CACHD1: variants seen among roughly 807,000 people sequenced by gnomAD.
The protein encoded by CACHD1 is VWFA and cache domain-containing protein 1.
In CACHD1, 71 loss-of-function variants were observed where a neutral mutation model predicts 138.7. That is an observed-to-expected ratio of 0.51 (90% CI 0.42 to 0.62). The LOEUF is 0.62. Among genes scored for constraint, CACHD1 ranks in the 20% least tolerant of loss-of-function variants. The pLI, the probability that CACHD1 is intolerant of heterozygous loss-of-function variation, is 0.00. For synonymous variants in CACHD1, 578 were observed against 591.5 expected, an observed-to-expected ratio of 0.98 and a Z score of 0.33; for missense variants, 1,389 against 1,625.3, an observed-to-expected ratio of 0.85 and a Z score of 2.50.
intron 2 of CACHD1, among the ~76,000 whole-genome samples, chr1:64,566,489 C>G (rs1370454960): frequency 1.4e-5 from 2 of 143,092 alleles, no homozygotes; most frequent in Non-Finnish European, 3.2e-5. Flanking sequence ...TCCCCCCCCC[C>G]CACAAGGTAT....
At chr1:64,676,716 G>A (rs1235188394) in intron 21 of CACHD1, among the ~76,000 whole-genome samples, 179 bp from the exon 22 acceptor site, 2 of 152,148 alleles carry the variant, frequency 1.3e-5, no homozygotes, top group Admixed American at 6.5e-5. Context: ...TACTTCTACT[G>A]TATATAAAGA....
intron 3 of CACHD1, among the ~76,000 whole-genome samples, chr1:64,601,224 A>G (rs1372804139): frequency 6.6e-6 from 1 of 152,212 alleles, no homozygotes; most frequent in Non-Finnish European, 1.5e-5. Flanking sequence ...ACAAAGCCTA[A>G]ACTATTATCT....
chr1:64,485,834 A>G (rs995921421), intron 1 of CACHD1, among the ~76,000 whole-genome samples: 3 of 152,138 alleles, frequency 2.0e-5, no homozygotes, highest in Admixed American at 1.3e-4. Flanking sequence ...TTAAACATTC[A>G]GGGTTTAATA....
In CACHD1 at chr1:64,664,789, T is replaced by C. The variant is rs911869135; in HGVS notation, c.2276+110T>C. 3.2e-6 allele frequency: 3 copies of C among 937,098 alleles called. No homozygotes were observed. The African/African-American group carries it at 5.0e-5, about 16-fold the overall frequency. 58.0% of individuals were successfully genotyped at this position (937,098 alleles called of 1,614,324 possible). A position where few individuals can be genotyped will look rare whatever the true frequency, so the allele number is the denominator to read the frequency against. On this transcript the variant is annotated intron_variant, in intron 15 of 26. Transcript: ENST00000651257. ...GGGCATTAAACTAAAGAAGATACTT[T>C]CATGGTGGTGAAAAATGTTCCTGAA...
intron 7 of CACHD1, among the ~76,000 whole-genome samples, chr1:64,639,968 A>G (rs1332567529): frequency 2.6e-5 from 4 of 152,252 alleles, no homozygotes; most frequent in African/African-American, 9.6e-5. Flanking sequence ...TTCCAAGCTC[A>G]CTCACACTTT....
At chr1:64,625,293 G>A (rs937621991) in intron 4 of CACHD1, among the ~76,000 whole-genome samples, 9 of 152,138 alleles carry the variant, frequency 5.9e-5, no homozygotes, top group African/African-American at 2.2e-4. Context: ...CTGGGGACTT[G>A]GAAAGGTGAG....
intron 1 of CACHD1, among the ~76,000 whole-genome samples, chr1:64,488,182 T>G (rs968431398): frequency 3.9e-5 from 6 of 152,224 alleles, no homozygotes; most frequent in African/African-American, 1.4e-4. Context: ...TTATAAATGA[T>G]TTTTGAGAGG....
intron 1 of CACHD1, among the ~76,000 whole-genome samples, chr1:64,547,033 G>A (rs892351021): frequency 1.3e-5 from 2 of 152,074 alleles, no homozygotes; most frequent in African/African-American, 4.8e-5. Flanking sequence ...TAAATACAGT[G>A]CCTGTTTTTA....
intron 3 of CACHD1, among the ~76,000 whole-genome samples, chr1:64,595,718 A>G (rs1297671784): frequency 6.6e-6 from 1 of 152,242 alleles, no homozygotes; most frequent in African/African-American, 2.4e-5. Flanking sequence ...AAGTGAATTG[A>G]ATGATAATAC....
intron 26 of CACHD1, among the ~76,000 whole-genome samples, chr1:64,687,948 A>G (rs1267318895): frequency 6.6e-6 from 1 of 152,064 alleles, no homozygotes; most frequent in Non-Finnish European, 1.5e-5. Flanking sequence ...AAAATATAAG[A>G]GATGTGCACA....
At chr1:64,493,037 C>A (rs1484112675) in intron 1 of CACHD1, among the ~76,000 whole-genome samples, 1 of 152,210 alleles carries the variant, frequency 6.6e-6, no homozygotes, top group African/African-American at 2.4e-5. Flanking sequence ...AGACTTGGGG[C>A]TCCACTTAAT....
chr1:64,663,726 C>G lies in CACHD1; in HGVS notation c.1983C>G (p.Ser661Arg). 1 of 1,614,104 alleles carries G rather than the reference C, an allele frequency of 6.2e-7. No homozygotes were observed. The highest frequency in any genetic ancestry group is 8.5e-7 in the Non-Finnish European group (1 of 1,180,012). The change falls in exon 14 of 27, where the codon AGC becomes AGG. Residue 661 changes from serine to arginine, a missense_variant. Around this residue, in one of 5 missense-constraint regions of CACHD1, gnomAD observed 1,000 missense variants for 1,114.7 expected, o/e 0.90. Coordinates refer to ENST00000651257, the MANE Select transcript of CACHD1 (RefSeq NM_020925.4). ...ESPTIMLSAG[S>R]FSSPYEHLSQ... ...CCACCATCATGCTGTCTGCTGGCAGCTTTTCCTCCCCCTATGAGCACCTCA... is the reference window on the plus strand; with the variant it reads ...CCACCATCATGCTGTCTGCTGGCAGGTTTTCCTCCCCCTATGAGCACCTCA...
intron 1 of CACHD1, among the ~76,000 whole-genome samples, chr1:64,516,236 G>T (rs1646458344): frequency 6.6e-6 from 1 of 152,104 alleles, no homozygotes; most frequent in Non-Finnish European, 1.5e-5. Flanking sequence ...TGGTGATTCT[G>T]CAATCAATTA....
chr1:64,662,604 A>G (rs1264101475), intron 13 of CACHD1, among the ~76,000 whole-genome samples: 1 of 152,210 alleles, frequency 6.6e-6, no homozygotes, highest in South Asian at 2.1e-4. Flanking sequence ...AAGATGCCCT[A>G]TGTGATTAAA....
In CACHD1 at chr1:64,537,325, A is replaced by AT. The variant is rs1646640870; in HGVS notation, c.199-13268dup. Reference sequence around the variant, plus strand: ...TGGGAGGGACCAGCACCTCTGCAACATATTTCTTAACTTCAGTTTACTCCT... The same window carrying AT: ...TGGGAGGGACCAGCACCTCTGCAACATTATTTCTTAACTTCAGTTTACTCCT... On this transcript the variant is annotated intron_variant, in intron 1 of 26. Coordinates refer to ENST00000651257, the MANE Select transcript of CACHD1 (RefSeq NM_020925.4). 3.3e-5 allele frequency among the ~76,000 whole-genome samples: 5 copies of AT among 152,292 alleles called. No individual in the cohort carries two copies. The South Asian group carries it at 8.3e-4, about 25-fold the overall frequency.
At chr1:64,630,973 A>G (rs571116451) in intron 5 of CACHD1, among the ~76,000 whole-genome samples, 187 of 152,270 alleles carry the variant, frequency 1.2e-3, no homozygotes, top group African/African-American at 4.4e-3. Context: ...TTCTTGTCCT[A>G]ACTGCTTTCC....
intron 1 of CACHD1, among the ~76,000 whole-genome samples, chr1:64,527,533 T>G (rs972416214): frequency 6.6e-6 from 1 of 152,186 alleles, no homozygotes; most frequent in Non-Finnish European, 1.5e-5. Context: ...GCTGCGTTTT[T>G]AGGGTCTGGA....
chr1:64,658,643 A>G, intron 12 of CACHD1, 62 bp from the exon 13 acceptor site: 1 of 1,288,532 alleles, frequency 7.8e-7, no homozygotes, highest in Non-Finnish European at 1.1e-6. Flanking sequence ...AATGTATGCA[A>G]AGTCCCTGTC....
chr1:64,621,884 A>C (rs1173376660), intron 4 of CACHD1, among the ~76,000 whole-genome samples: 1 of 152,172 alleles, frequency 6.6e-6, no homozygotes, highest in Non-Finnish European at 1.5e-5. Context: ...GTTTTAAGCA[A>C]AGCAACAGGG....
Sources: allele counts gnomAD v4.1 joint callset (sites outside exome capture counted in the v4.1 genomes callset), GRCh38; gene constraint gnomAD v4.1.1; regional missense constraint gnomAD v4.1.1; transcripts MANE v1.5; gene names NCBI Gene and HGNC (gene_info 2026-07-23, HGNC 2026-07-21).